SIL1: variants seen among roughly 807,000 people sequenced by gnomAD.
The protein encoded by SIL1 is SIL1 nucleotide exchange factor.
A neutral mutation model predicts 49.1 loss-of-function variants in SIL1; 40 were observed. The observed-to-expected ratio is 0.81, with a 90% CI of 0.63 to 1.06. The LOEUF is 1.06. Among genes scored for constraint, SIL1 ranks in the 50% least tolerant of loss-of-function variants. SIL1 has a pLI of 0.00. For synonymous variants in SIL1, 253 were observed against 250.8 expected (o/e 1.01, Z -0.08); for missense variants, 500 against 572.6 (o/e 0.87, Z 1.29).
At chr5:139,137,427 G>A in intron 1 of SIL1, 2 of 675,898 alleles carry the variant, frequency 3.0e-6, no homozygotes, top group East Asian at 5.5e-5. Flanking sequence ...GTCTCTCGAG[G>A]GGTCTGTGAA....
At chr5:139,189,235 G>T (rs138459860) in intron 1 of SIL1, among the ~76,000 whole-genome samples, 1 of 152,324 alleles carries the variant, frequency 6.6e-6, no homozygotes, top group East Asian at 1.9e-4. Context: ...GCAAGTGAGT[G>T]AGCAAAGCTT....
intron 3 of SIL1, among the ~76,000 whole-genome samples, chr5:139,053,964 G>A (rs1458776074): frequency 6.6e-6 from 1 of 152,146 alleles, no homozygotes; most frequent in Non-Finnish European, 1.5e-5. Context: ...ACATGACCTG[G>A]CTGGCATATA....
chr5:139,193,603 GAA>G (rs1204767175), intron 1 of SIL1, among the ~76,000 whole-genome samples: 1 of 151,896 alleles, frequency 6.6e-6, no homozygotes, highest in African/African-American at 2.4e-5. Context: ...ACAATTAAGG[GAA>G]AAAAAGTCTC....
chr5:138,974,925 A>G (rs1243604834), intron 7 of SIL1, among the ~76,000 whole-genome samples: 2 of 152,158 alleles, frequency 1.3e-5, no homozygotes. Flanking sequence ...CTCTGAGCTG[A>G]GGAAGCTGAG....
chr5:139,040,491 C>CTTTTTT (rs1171613634), intron 5 of SIL1, among the ~76,000 whole-genome samples: 1 of 97,148 alleles, frequency 1.0e-5, no homozygotes, highest in African/African-American at 5.4e-5. Context: ...TTTCTTTTTT[C>CTTTTTT]TTTTTTCTTT....
chr5:139,171,110 C>A (rs1195389569), intron 1 of SIL1, among the ~76,000 whole-genome samples: 1 of 151,442 alleles, frequency 6.6e-6, no homozygotes, highest in African/African-American at 2.4e-5. Flanking sequence ...CCAGCCGCCC[C>A]GTCCGGGAGG....
chr5:139,112,364 G>A (rs931515040), intron 3 of SIL1, among the ~76,000 whole-genome samples: 2 of 151,062 alleles, frequency 1.3e-5, no homozygotes, highest in Non-Finnish European at 2.9e-5. Context: ...AGTGAGGAGC[G>A]CCTCTTCCCG....
intron 1 of SIL1, among the ~76,000 whole-genome samples, chr5:139,143,302 T>TACACAC (rs1440490025): frequency 1.1e-4 from 8 of 71,830 alleles, no homozygotes; most frequent in African/African-American, 6.0e-4. Flanking sequence ...TGTATATACA[T>TACACAC]ATATACACAC....
At chr5:139,123,102 G>T (rs375224747) in intron 2 of SIL1, among the ~76,000 whole-genome samples, 11 of 152,166 alleles carry the variant, frequency 7.2e-5, no homozygotes, top group African/African-American at 2.2e-4. Context: ...ATAGATTCCA[G>T]GCTGTGTTGT....
intron 7 of SIL1, among the ~76,000 whole-genome samples, chr5:139,011,982 T>A (rs903279538): frequency 4.6e-5 from 7 of 152,216 alleles, no homozygotes; most frequent in Admixed American, 2.6e-4. Flanking sequence ...ATTTTATCTA[T>A]ACCCCGACTC....
At chr5:139,120,734 T>A (rs1750609547) in intron 3 of SIL1, among the ~76,000 whole-genome samples, 1 of 152,204 alleles carries the variant, frequency 6.6e-6, no homozygotes, top group Non-Finnish European at 1.5e-5. Context: ...GCAAGGCACA[T>A]GTCACTGCCT....
chr5:139,180,814 T>C (rs1232531355), intron 1 of SIL1, among the ~76,000 whole-genome samples: 2 of 152,138 alleles, frequency 1.3e-5, no homozygotes, highest in East Asian at 3.9e-4. Context: ...AACCAAAGGA[T>C]GGTGTGCTCC....
At chr5:139,037,977 C>T (rs542118180) in intron 5 of SIL1, among the ~76,000 whole-genome samples, 4 of 152,180 alleles carry the variant, frequency 2.6e-5, no homozygotes, top group Non-Finnish European at 5.9e-5. Flanking sequence ...GTGAGGGTCC[C>T]CTTTCTGGCT....
intron 7 of SIL1, among the ~76,000 whole-genome samples, chr5:139,017,923 A>C (rs185600076): frequency 8.7e-4 from 131 of 150,662 alleles, no homozygotes; most frequent in Middle Eastern, 3.4e-3. Context: ...ATTTACTTGA[A>C]GAAGGAGAAA....
intron 3 of SIL1, among the ~76,000 whole-genome samples, chr5:139,075,826 C>T (rs182770994): frequency 2.0e-5 from 3 of 152,300 alleles, no homozygotes; most frequent in Admixed American, 2.0e-4. Context: ...CTGCAATGAC[C>T]TTTCACAAGG....
At chr5:139,043,676 G>A (rs1426106986) in intron 4 of SIL1, among the ~76,000 whole-genome samples, 1 of 152,182 alleles carries the variant, frequency 6.6e-6, no homozygotes, top group Admixed American at 6.5e-5. Context: ...GACCAGAATG[G>A]TCTCCTCACA....
chr5:139,007,810 C>A (rs1768157320), intron 7 of SIL1, among the ~76,000 whole-genome samples: 1 of 143,464 alleles, frequency 7.0e-6, no homozygotes, highest in South Asian at 2.4e-4. Context: ...AGGGATGAAG[C>A]CCACTTGATC....
intron 7 of SIL1, among the ~76,000 whole-genome samples, chr5:138,953,917 T>C (rs1469444462): frequency 6.6e-6 from 1 of 152,194 alleles, no homozygotes; most frequent in Non-Finnish European, 1.5e-5. Context: ...CCATCCCTCA[T>C]GGGCCCTCAG....
intron 7 of SIL1, among the ~76,000 whole-genome samples, chr5:139,017,656 C>T (rs1205076646): frequency 7.9e-5 from 12 of 151,996 alleles, no homozygotes; most frequent in Admixed American, 5.2e-4. Flanking sequence ...TAACTCCTGA[C>T]GGTTACGAGG....
Sources: gnomAD v4.1 joint callset for allele counts (sites outside exome capture counted in the v4.1 genomes callset) on GRCh38, gnomAD v4.1.1 for gene constraint, MANE v1.5 for transcripts, NCBI Gene and HGNC (gene_info 2026-07-23, HGNC 2026-07-21) for gene names.